The following DGUOK variants were observed in gnomAD, a reference collection of about 807,000 sequenced individuals.
DGUOK encodes the protein deoxyguanosine kinase.
A neutral mutation model predicts 36.6 loss-of-function variants in DGUOK; 30 were observed. The ratio of observed to expected loss-of-function variants is 0.82; its 90% CI spans 0.61 to 1.11. The LOEUF is 1.11. DGUOK is among the 50% of genes most tolerant of loss of function. The pLI is 0.00. For synonymous variants in DGUOK, 145 were observed against 126.3 expected (o/e 1.15, Z -0.99); for missense variants, 361 against 336.4 (o/e 1.07, Z -0.57).
At chr2:73,929,696 G>A (rs2104858092) in intron 1 of DGUOK, among the ~76,000 whole-genome samples, 1 of 152,294 alleles carries the variant, frequency 6.6e-6, no homozygotes, top group South Asian at 2.1e-4. Flanking sequence ...AAGGTATTCA[G>A]TGGGAGGGAA....
chr2:73,950,847 C>T, intron 4 of DGUOK, 115 bp downstream of exon 4: 3 of 1,395,912 alleles, frequency 2.1e-6, no homozygotes. Context: ...TTACCTGCAG[C>T]ACAGAGAGCA....
At chr2:73,947,201 A>G (rs1391158009) in intron 3 of DGUOK, 4 of 421,518 alleles carry the variant, frequency 9.5e-6, no homozygotes, top group Non-Finnish European at 1.8e-5. Flanking sequence ...TAGCCACCTA[A>G]TGTAACCATC....
chr2:73,933,414 G>A (rs1256972235), intron 1 of DGUOK, among the ~76,000 whole-genome samples: 2 of 152,176 alleles, frequency 1.3e-5, no homozygotes. Context: ...GTAAACCAGA[G>A]CAGGCAGTAA....
chr2:73,950,482 G>T, intron 3 of DGUOK, 103 bp from the exon 4 acceptor site: 1 of 1,282,198 alleles, frequency 7.8e-7, no homozygotes, highest in South Asian at 1.2e-5. Flanking sequence ...AACAGACATG[G>T]AACAAGTTGG....
chr2:73,956,814 G>A (rs1313505100), intron 4 of DGUOK, among the ~76,000 whole-genome samples: 1 of 152,182 alleles, frequency 6.6e-6, no homozygotes, highest in Non-Finnish European at 1.5e-5. Context: ...AGAGAATTGA[G>A]TGACTTCCCA....
chr2:73,944,186 CTT>C (rs773129081), intron 2 of DGUOK, among the ~76,000 whole-genome samples: 84 of 152,186 alleles, frequency 5.5e-4, no homozygotes, highest in Non-Finnish European at 9.1e-4. Context: ...GCCCAGGTAA[CTT>C]TTAAATTTTT....
At chr2:73,927,180 A>C (rs1573490848) in intron 1 of DGUOK, 128 bp downstream of exon 1, 1 of 1,318,508 alleles carries the variant, frequency 7.6e-7, no homozygotes. Flanking sequence ...CTGCGAGGAG[A>C]GCCTTTCCCC....
chr2:73,940,888 A>G (rs1293090153), intron 2 of DGUOK, among the ~76,000 whole-genome samples: 1 of 152,196 alleles, frequency 6.6e-6, no homozygotes, highest in Non-Finnish European at 1.5e-5. Flanking sequence ...CAGTGACAAA[A>G]TTGTCTAACG....
chr2:73,950,603 T>A lies in DGUOK; in HGVS notation c.462T>A (p.Asn154Lys), dbSNP rs144181978. 2.7e-4 allele frequency: 435 copies of A among 1,614,200 alleles called. No individual in the cohort carries two copies. The highest frequency in any genetic ancestry group is 3.5e-4 in the Non-Finnish European group (416 of 1,180,028). ...CAACCAGGTATATCTTTGCAAAGAATCTTTTTGAAAATGGTTCCCTCAGTG... is the reference window on the plus strand; with the variant it reads ...CAACCAGGTATATCTTTGCAAAGAAACTTTTTGAAAATGGTTCCCTCAGTG... ...VYSDRYIFAK[N>K]LFENGSLSDI... The change falls in exon 4 of 7, where the codon AAT (asparagine) becomes AAA (lysine). Residue 154 changes from asparagine to lysine, a missense_variant. Physicochemically the swap from Asn to Lys is moderately conservative, Grantham distance 94. Coordinates refer to ENST00000264093, the MANE Select transcript of DGUOK (RefSeq NM_080916.3).
In DGUOK at chr2:73,946,859, G is replaced by C; in HGVS notation, c.396G>C (p.Gln132His). ...AGCCCTTCCCTGAGAAACTCTTACA[G>C]GCCAGGAAGCCAGTACAGATCTTTG... ...QLEPFPEKLL[Q>H]ARKPVQIFER... Residue 132 changes from glutamine to histidine, a missense_variant, in exon 3 of 7, where the codon CAG (glutamine) becomes CAC (histidine). Coordinates refer to ENST00000264093, the MANE Select transcript of DGUOK (RefSeq NM_080916.3). The C allele has an allele frequency of 1.9e-6, 3 of 1,613,798 alleles. No individual in the cohort carries two copies. The highest frequency in any genetic ancestry group is 2.5e-6 in the Non-Finnish European group (3 of 1,180,006).
At position 73,958,830 on chromosome 2, in the gene DGUOK, C is replaced by G; in HGVS notation, c.*94C>G. ...TCCCAACCACCTTTCCATCCCCAGC[C>G]CCTCTCATCCCTGGAGCACTCTGCC... On this transcript the variant is annotated 3_prime_UTR_variant, in exon 7 of 7. Transcript: ENST00000264093. 4 of 1,023,874 alleles carry G rather than the reference C, an allele frequency of 3.9e-6. No individual in the cohort carries two copies. Among genetic ancestry groups the G allele is most frequent in the South Asian group, 1.3e-5 (1 of 78,994 alleles). The allele number at this position is 1,023,874 out of a possible 1,614,324, so 63.4% of individuals were successfully genotyped here.
chr2:73,936,580 C>T (rs913686947), intron 1 of DGUOK, among the ~76,000 whole-genome samples: 1 of 152,182 alleles, frequency 6.6e-6, no homozygotes, highest in Non-Finnish European at 1.5e-5. Context: ...ATCAGCACCC[C>T]AATCAGTAAC....
chr2:73,951,456 G>GT (rs377083944), intron 4 of DGUOK, among the ~76,000 whole-genome samples: 6,768 of 144,968 alleles, frequency 0.047, 433 homozygotes, highest in African/African-American at 0.15. Flanking sequence ...GTCAAGGTGA[G>GT]TTTTTTTTTT....
intron 2 of DGUOK, among the ~76,000 whole-genome samples, chr2:73,940,263 G>T (rs1681806382): frequency 6.6e-6 from 1 of 152,190 alleles, no homozygotes; most frequent in Non-Finnish European, 1.5e-5. Flanking sequence ...TTACTCTGAA[G>T]TAACTTTACC....
Position 73,958,911 on chromosome 2 carries a change from C to A in DGUOK, c.*175C>A. The A allele has an allele frequency of 1.6e-6, 1 of 628,072 alleles. No homozygotes were observed. Among genetic ancestry groups the A allele is most frequent in the Admixed American group, 2.9e-5 (1 of 34,542 alleles). 38.9% of individuals were successfully genotyped at this position (628,072 alleles called of 1,614,324 possible). On this transcript the variant is annotated 3_prime_UTR_variant, in exon 7 of 7. Coordinates refer to ENST00000264093, the MANE Select transcript of DGUOK (RefSeq NM_080916.3). ...GACTTTGCCATTGTTTTCTTTTGTA[C>A]CTGAAGCATTTTGAAAATAAAGTTT...
intron 5 of DGUOK, among the ~76,000 whole-genome samples, 159 bp downstream of exon 5, chr2:73,957,399 G>T (rs1380777462): frequency 1.3e-5 from 2 of 152,188 alleles, no homozygotes; most frequent in Non-Finnish European, 2.9e-5. Flanking sequence ...GTTTAATATT[G>T]CTGGACACCG....
intron 3 of DGUOK, among the ~76,000 whole-genome samples, chr2:73,948,148 C>T (rs992369110): frequency 3.3e-5 from 5 of 152,094 alleles, no homozygotes; most frequent in African/African-American, 4.8e-5. Flanking sequence ...TTGGATATCC[C>T]ACCTGCCTGT....
chr2:73,929,619 A>G (rs367605127), intron 1 of DGUOK, among the ~76,000 whole-genome samples: 2 of 152,222 alleles, frequency 1.3e-5, no homozygotes, highest in South Asian at 2.1e-4. Context: ...GCAGAGACTG[A>G]GAAGGAATGC....
At chr2:73,932,803 T>A in intron 1 of DGUOK, 1 of 385,752 alleles carries the variant, frequency 2.6e-6, no homozygotes, top group Non-Finnish European at 4.6e-6. Context: ...TAATGGCATC[T>A]AGCATGACTT....
Sources: gnomAD v4.1 joint callset for allele counts (sites outside exome capture counted in the v4.1 genomes callset) on GRCh38, gnomAD v4.1.1 for gene constraint, MANE v1.5 for transcripts, NCBI Gene and HGNC (gene_info 2026-07-23, HGNC 2026-07-21) for gene names.